FOXN3: variants seen among roughly 807,000 people sequenced by gnomAD.
The protein encoded by FOXN3 is forkhead box protein N3.
Under a neutral mutation model 38.4 loss-of-function variants are expected in FOXN3, and 7 were observed. That is an observed-to-expected ratio of 0.18 (90% CI 0.10 to 0.34). FOXN3 has a LOEUF of 0.34. Among genes scored for constraint, FOXN3 ranks in the 10% least tolerant of loss-of-function variants. FOXN3 has a pLI of 1.00. For synonymous variants in FOXN3, 230 were observed against 242.2 expected (o/e 0.95, Z 0.47); for missense variants, 456 against 613.4 (o/e 0.74, Z 2.71).
intron 5 of FOXN3, among the ~76,000 whole-genome samples, chr14:89,166,761 A>G (rs1288844671): frequency 6.6e-6 from 1 of 152,260 alleles, no homozygotes; most frequent in Non-Finnish European, 1.5e-5. Context: ...TATGTAATCC[A>G]TAAGTTACAC....
At chr14:89,334,006 A>ATGTATG (rs1269693143) in intron 3 of FOXN3, among the ~76,000 whole-genome samples, 18 of 49,378 alleles carry the variant, frequency 3.6e-4, no homozygotes, top group African/African-American at 1.0e-3. Context: ...ATATATATAT[A>ATGTATG]TATGTATATA....
chr14:89,422,242 T>G (rs937334785), intron 1 of FOXN3, among the ~76,000 whole-genome samples: 3 of 152,218 alleles, frequency 2.0e-5, no homozygotes, highest in Non-Finnish European at 4.4e-5. Context: ...AACTCGTGTA[T>G]GCATAGGAAT....
chr14:89,558,296 T>C (rs952687760), intron 1 of FOXN3, among the ~76,000 whole-genome samples: 5 of 152,130 alleles, frequency 3.3e-5, no homozygotes, highest in Middle Eastern at 3.2e-3. Flanking sequence ...AAACGTAGTA[T>C]GAAGTCAGAA....
rs1555358782 is a variant in FOXN3 at position 89,527,719 on chromosome 14, T to TG, written c.-15+91308dup. 7.0e-4 allele frequency among the ~76,000 whole-genome samples: 103 copies of TG among 146,870 alleles called. 1 individual carries two copies. Among genetic ancestry groups the TG allele is most frequent in the African/African-American group, 2.4e-3 (94 of 39,994 alleles). On this transcript the variant is annotated intron_variant, in intron 1 of 6. Transcript: ENST00000345097. ...ACAATGGCTAATTTTTTTTTTTTTT[T>TG]GATACAGAGTCTGGCTCTGTCGCTC... is the stretch of plus-strand genomic sequence containing the variant.
chr14:89,511,687 A>G (rs1894096116), intron 1 of FOXN3, among the ~76,000 whole-genome samples: 1 of 152,190 alleles, frequency 6.6e-6, no homozygotes, highest in East Asian at 1.9e-4. Flanking sequence ...AGAGTATTGT[A>G]TTAGTCCATT....
In FOXN3 at chr14:89,481,088, C is replaced by CTT. The variant is rs11444066; in HGVS notation, c.-14-68600_-14-68599dup. On this transcript the variant is annotated intron_variant, in intron 1 of 6. Coordinates refer to the FOXN3 transcript ENST00000345097. ...AAACTGGTCTTTGATTGTGGTTAAGCTTTTTTTTTTTTTTTAATAAACAAA... is the reference window on the plus strand; with the variant it reads ...AAACTGGTCTTTGATTGTGGTTAAGCTTTTTTTTTTTTTTTTTAATAAACAAA... 2.2e-3 allele frequency among the ~76,000 whole-genome samples: 310 copies of CTT among 142,736 alleles called. 1 individual carries two copies. The highest frequency in any genetic ancestry group is 3.6e-3 in the Middle Eastern group (1 of 276). The allele number at this position is 142,736 out of a possible 152,430, so 93.6% of individuals were successfully genotyped here. A position where few individuals can be genotyped will look rare whatever the true frequency, so the allele number is the denominator to read the frequency against.
chr14:89,241,732 G>A (rs972445985), intron 4 of FOXN3, among the ~76,000 whole-genome samples: 1 of 152,134 alleles, frequency 6.6e-6, no homozygotes, highest in Non-Finnish European at 1.5e-5. Context: ...CAGTGTCAAG[G>A]CTCTGGGATA....
intron 1 of FOXN3, among the ~76,000 whole-genome samples, chr14:89,474,546 A>G (rs1893171173): frequency 6.6e-6 from 1 of 152,256 alleles, no homozygotes; most frequent in Non-Finnish European, 1.5e-5. Flanking sequence ...TATCTTAAGC[A>G]ATGCAAATTG....
chr14:89,440,042 TG>T (rs1346873120), intron 1 of FOXN3, among the ~76,000 whole-genome samples: 1 of 152,184 alleles, frequency 6.6e-6, no homozygotes, highest in African/African-American at 2.4e-5. Context: ...AACCCACTCT[TG>T]GAGTCTGGAT....
intron 1 of FOXN3, among the ~76,000 whole-genome samples, chr14:89,528,204 G>C (rs997306316): frequency 1.3e-5 from 2 of 152,002 alleles, no homozygotes; most frequent in Admixed American, 6.6e-5. Flanking sequence ...CCTCCATACA[G>C]AGACTGGTAC....
chr14:89,171,274 C>T (rs973200259), intron 5 of FOXN3, among the ~76,000 whole-genome samples: 9 of 152,098 alleles, frequency 5.9e-5, no homozygotes, highest in African/African-American at 1.9e-4. Flanking sequence ...ATTATCATTA[C>T]GTAAATTAAA....
intron 3 of FOXN3, among the ~76,000 whole-genome samples, chr14:89,320,817 T>C (rs757840731): frequency 1.3e-5 from 2 of 151,854 alleles, no homozygotes; most frequent in African/African-American, 2.4e-5. Context: ...GCATCAAAAG[T>C]GAAAAAAGCC....
intron 2 of FOXN3, among the ~76,000 whole-genome samples, chr14:89,357,462 GC>G (rs1196679068): frequency 6.6e-6 from 1 of 152,090 alleles, no homozygotes; most frequent in Non-Finnish European, 1.5e-5. Context: ...CAAAAAATTA[GC>G]CGGGCACGGT....
At chr14:89,193,007 G>GA (rs138383941) in intron 4 of FOXN3, among the ~76,000 whole-genome samples, 1,723 of 152,138 alleles carry the variant, frequency 0.011, 16 homozygotes, top group Non-Finnish European at 0.016. Flanking sequence ...TTCCTAAGGG[G>GA]GGCTGTTAAG....
intron 1 of FOXN3, among the ~76,000 whole-genome samples, chr14:89,455,978 G>A (rs1316462475): frequency 2.0e-5 from 3 of 151,364 alleles, no homozygotes; most frequent in Non-Finnish European, 3.0e-5. Context: ...GGCAGATCAC[G>A]AGGTCAGGAG....
At chr14:89,433,216 G>A (rs1163437155) in intron 1 of FOXN3, among the ~76,000 whole-genome samples, 1 of 152,112 alleles carries the variant, frequency 6.6e-6, no homozygotes, top group East Asian at 1.9e-4. Flanking sequence ...GGGCACGGTG[G>A]CTCACACCTG....
chr14:89,383,775 C>CTATTTT (rs1349385746), intron 2 of FOXN3, among the ~76,000 whole-genome samples: 1 of 147,898 alleles, frequency 6.8e-6, no homozygotes, highest in South Asian at 2.2e-4. Context: ...TGCAAAAACC[C>CTATTTT]TATTTTTATT....
At chr14:89,544,641 T>C (rs1894851378) in intron 1 of FOXN3, among the ~76,000 whole-genome samples, 1 of 152,140 alleles carries the variant, frequency 6.6e-6, no homozygotes, top group African/African-American at 2.4e-5. Flanking sequence ...TCAGCTACAG[T>C]AGTCCCTCCT....
chr14:89,585,637 G>C (rs1044022301), intron 1 of FOXN3, among the ~76,000 whole-genome samples: 5 of 151,910 alleles, frequency 3.3e-5, no homozygotes, highest in Non-Finnish European at 7.4e-5. Flanking sequence ...AGCAGAAGGA[G>C]ATGGATAATA....
Sources: allele counts gnomAD v4.1 joint callset (sites outside exome capture counted in the v4.1 genomes callset), GRCh38; gene constraint gnomAD v4.1.1; transcripts MANE v1.5; gene names NCBI Gene and HGNC (gene_info 2026-07-23, HGNC 2026-07-21).